The following PIWIL3 variants were observed in gnomAD, a reference collection of about 807,000 sequenced individuals.
PIWIL3 encodes piwi-like protein 3.
PIWIL3 carries 101 observed loss-of-function variants against 109.7 expected under a neutral mutation model. The ratio of observed to expected loss-of-function variants is 0.92; its 90% CI spans 0.78 to 1.09. The LOEUF (loss-of-function observed/expected upper bound fraction) is 1.09. PIWIL3 is among the 50% of genes least tolerant of loss of function. The pLI is 0.00. For synonymous variants in PIWIL3, 373 were observed against 376.4 expected (o/e 0.99, Z 0.10); for missense variants, 1,031 against 1,072.6 (o/e 0.96, Z 0.54).
chr22:24,759,746 C>A, intron 3 of PIWIL3, 123 bp downstream of exon 3: 1 of 1,399,974 alleles, frequency 7.1e-7, no homozygotes. Flanking sequence ...GCAAGCTGCA[C>A]ACACTTCCCA....
chr22:24,773,703 A>ATTTTTTT (rs61034646), intron 1 of PIWIL3, among the ~76,000 whole-genome samples: 8 of 110,212 alleles, frequency 7.3e-5, no homozygotes, highest in Non-Finnish European at 1.1e-4. Flanking sequence ...GACACTCTAG[A>ATTTTTTT]TTTTTTTTTT....
Position 24,754,128 on chromosome 22 carries a change from A to T in PIWIL3, c.863T>A (p.Leu288Gln). ...ATCATAAGCAGTTTCTATTCGGAGC[A>T]GTTTGTGGCTCACATCGGCACAGAG... ...ITLCADVSHK[L>Q]LRIETAYDFI... Residue 288 changes from leucine to glutamine, a missense_variant, in exon 8 of 21, where the codon CTG (leucine) becomes CAG (glutamine). Coordinates refer to ENST00000616349, the MANE Select transcript of PIWIL3 (RefSeq NM_001255975.1). 3 of 1,613,904 alleles carry T rather than the reference A, an allele frequency of 1.9e-6. No homozygotes were observed. Among genetic ancestry groups the T allele is most frequent in the Non-Finnish European group, 2.5e-6 (3 of 1,179,752 alleles).
At position 24,754,799 on chromosome 22, in the gene PIWIL3, T is replaced by C; in HGVS notation, c.758A>G (p.Gln253Arg). The C allele has an allele frequency of 8.1e-6, 13 of 1,609,140 alleles. No individual in the cohort carries two copies. The highest frequency in any genetic ancestry group is 1.1e-5 in the Non-Finnish European group (13 of 1,175,590). Residue 253 changes from glutamine to arginine, a missense_variant, in exon 7 of 21, where the codon CAG (glutamine) becomes CGG (arginine). Physicochemically the swap from Gln to Arg is conservative, Grantham distance 43. Coordinates refer to ENST00000616349, the MANE Select transcript of PIWIL3 (RefSeq NM_001255975.1). Reference sequence around the variant, plus strand: ...TTATACAAACCCATGACGGTATAACTGAATGGCCTTCTTTTTGGTATAATA... The same window carrying C: ...TTATACAAACCCATGACGGTATAACCGAATGGCCTTCTTTTTGGTATAATA... Reference protein sequence around the residue: ...RNYYTKKKAIQLYRHGTSLEI... With the variant: ...RNYYTKKKAIRLYRHGTSLEI...
At chr22:24,763,968 C>T (rs534194882) in intron 1 of PIWIL3, among the ~76,000 whole-genome samples, 6 of 152,346 alleles carry the variant, frequency 3.9e-5, no homozygotes, top group Admixed American at 2.0e-4. Flanking sequence ...CGCTGATCTC[C>T]GCGGGGTCAG....
intron 8 of PIWIL3, among the ~76,000 whole-genome samples, chr22:24,751,760 C>T (rs1041271275): frequency 6.6e-6 from 1 of 152,226 alleles, no homozygotes; most frequent in African/African-American, 2.4e-5. Context: ...AATCCACCAG[C>T]CTTCAGGCAG....
rs527691796 is a variant in PIWIL3 at position 24,770,621 on chromosome 22, G to C, written c.-23+3701C>G. On this transcript the variant is annotated intron_variant, in intron 1 of 20. Transcript: ENST00000616349. ...GTGGATCACCTGAGGTCAGGAGTTC[G>C]AGACCAGCCTGGCCGACATGGTGAA... Among the ~76,000 whole-genome samples, 24 of 144,970 alleles carry C rather than the reference G, an allele frequency of 1.7e-4. No individual in the cohort carries two copies. In the South Asian group the frequency reaches 4.8e-3, roughly 29 times the overall value.
At chr22:24,772,868 G>A (rs1926205799) in intron 1 of PIWIL3, among the ~76,000 whole-genome samples, 1 of 152,296 alleles carries the variant, frequency 6.6e-6, no homozygotes, top group Admixed American at 6.5e-5. Context: ...GTCCCCTGTG[G>A]GGAGATCAGA....
chr22:24,740,244 G>A (rs1923918221), intron 12 of PIWIL3, among the ~76,000 whole-genome samples: 2 of 87,864 alleles, frequency 2.3e-5, no homozygotes, highest in African/African-American at 3.9e-5. Flanking sequence ...ATTTCTAAAA[G>A]CTCAATTAGA....
intron 18 of PIWIL3, 134 bp downstream of exon 18, chr22:24,724,753 G>T: frequency 3.0e-6 from 3 of 1,014,270 alleles, no homozygotes; most frequent in South Asian, 3.5e-5. Flanking sequence ...TTCATTTTTT[G>T]TAGAGATTGG....
chr22:24,727,355 T>C (rs1164490502), intron 16 of PIWIL3, among the ~76,000 whole-genome samples: 2 of 152,210 alleles, frequency 1.3e-5, no homozygotes, highest in African/African-American at 4.8e-5. Context: ...GGATGTTTTT[T>C]CTGGCTGATG....
intron 1 of PIWIL3, among the ~76,000 whole-genome samples, chr22:24,770,236 G>A (rs1033243338): frequency 5.3e-5 from 8 of 152,186 alleles, no homozygotes; most frequent in East Asian, 1.9e-4. Flanking sequence ...ACTCAAACCC[G>A]TCAGTTTTCC....
Position 24,749,526 on chromosome 22 carries a change from A to G in PIWIL3, c.1217-5T>C. On this transcript the variant is annotated splice_region_variant and splice_polypyrimidine_tract_variant and intron_variant, in intron 10 of 20. Coordinates refer to ENST00000616349, the MANE Select transcript of PIWIL3 (RefSeq NM_001255975.1). ...TACATATTTCATCTGTTAGACCTTTAAAAAAATCCAAAAGATACAGCTGAA... is the reference window on the plus strand; with the variant it reads ...TACATATTTCATCTGTTAGACCTTTGAAAAAATCCAAAAGATACAGCTGAA... 6.2e-7 allele frequency: 1 copy of G among 1,611,716 alleles called. No individual in the cohort carries two copies. Among genetic ancestry groups the G allele is most frequent in the Non-Finnish European group, 8.5e-7 (1 of 1,179,126 alleles).
intron 7 of PIWIL3, among the ~76,000 whole-genome samples, 197 bp downstream of exon 7, chr22:24,754,587 G>C (rs113466128): frequency 6.1e-4 from 93 of 152,224 alleles, no homozygotes; most frequent in African/African-American, 2.1e-3. Context: ...TATCTCAAAC[G>C]TTTATATTTG....
At position 24,754,794 on chromosome 22, in the gene PIWIL3, A is replaced by G. The variant is rs1424521824; in HGVS notation, c.763T>C (p.Tyr255His). The G allele has an allele frequency of 1.9e-6, 3 of 1,605,854 alleles. No homozygotes were observed. The highest frequency in any genetic ancestry group is 2.6e-6 in the Non-Finnish European group (3 of 1,172,704). The change falls in exon 7 of 21, where the codon TAC becomes CAC. Residue 255 changes from tyrosine (Y) to histidine (H), a missense_variant. By Grantham distance (83) the Tyr-to-His change is moderately conservative. Coordinates refer to ENST00000616349, the MANE Select transcript of PIWIL3 (RefSeq NM_001255975.1). ...YYTKKKAIQL[Y>H]RHGTSLEIWL... The stretch of plus-strand genomic sequence containing the variant: ...CTACTTTATACAAACCCATGACGGT[A>G]TAACTGAATGGCCTTCTTTTTGGTA...
chr22:24,743,339 A>G (rs1924120366), intron 12 of PIWIL3, among the ~76,000 whole-genome samples: 1 of 152,216 alleles, frequency 6.6e-6, no homozygotes, highest in Admixed American at 6.5e-5. Flanking sequence ...CAATCCCACT[A>G]CTAGGTATCT....
Position 24,737,213 on chromosome 22 carries a change from GA to G in PIWIL3, c.1450-1322del, listed in dbSNP as rs1923708059. Among the ~76,000 whole-genome samples the G allele has an allele frequency of 2.6e-5, 4 of 152,222 alleles. No individual in the cohort carries two copies. The South Asian group carries it at 8.3e-4, about 32-fold the overall frequency. ...TTCTGCTTCAGGAGAAAAGAAGGAA[GA>G]GTGAAGACTTTGTCTTGTATCTTGG... is the stretch of plus-strand genomic sequence containing the variant. On this transcript the variant is annotated intron_variant, in intron 12 of 20. Transcript: ENST00000616349.
At chr22:24,742,138 T>G (rs573895389) in intron 12 of PIWIL3, among the ~76,000 whole-genome samples, 1 of 131,344 alleles carries the variant, frequency 7.6e-6, no homozygotes, top group East Asian at 2.3e-4. Flanking sequence ...CTCAACCACT[T>G]TTACAATAGC....
At chr22:24,723,483 C>A (rs1055595717) in intron 18 of PIWIL3, among the ~76,000 whole-genome samples, 2 of 152,158 alleles carry the variant, frequency 1.3e-5, no homozygotes, top group African/African-American at 2.4e-5. Context: ...CCCTTCCTCA[C>A]AACTTTAGGA....
intron 13 of PIWIL3, among the ~76,000 whole-genome samples, chr22:24,734,473 A>G (rs1375564047): frequency 6.6e-6 from 1 of 152,192 alleles, no homozygotes; most frequent in Admixed American, 6.5e-5. Context: ...GAGACAAATA[A>G]GCAAAAACAA....
Sources: allele counts gnomAD v4.1 joint callset (sites outside exome capture counted in the v4.1 genomes callset), GRCh38; gene constraint gnomAD v4.1.1; transcripts MANE v1.5; gene names NCBI Gene and HGNC (gene_info 2026-07-23, HGNC 2026-07-21).